Variants in ZBTB20 observed in about 807,000 individuals in gnomAD.
ZBTB20 encodes zinc finger and BTB domain-containing protein 20.
In ZBTB20, 9 loss-of-function variants were observed where a neutral mutation model predicts 56.9. The observed-to-expected ratio is 0.16, with a 90% confidence interval of 0.10 to 0.28. ZBTB20 has a LOEUF of 0.28. Among genes scored for constraint, ZBTB20 ranks in the 10% least tolerant of loss-of-function variants. ZBTB20 has a pLI of 1.00. For synonymous variants in ZBTB20, 417 were observed against 420.7 expected (o/e 0.99, Z 0.11); for missense variants, 655 against 1,003.0 (o/e 0.65, Z 4.69).
intron 2 of ZBTB20, among the ~76,000 whole-genome samples, chr3:114,977,001 C>T (rs1297950958): frequency 6.6e-6 from 1 of 151,510 alleles, no homozygotes; most frequent in Non-Finnish European, 1.5e-5. Context: ...AATATTTCAC[C>T]TTTCCTAAAT....
chr3:114,385,222 C>T (rs1302353876), intron 8 of ZBTB20, among the ~76,000 whole-genome samples: 1 of 152,040 alleles, frequency 6.6e-6, no homozygotes, highest in Non-Finnish European at 1.5e-5. Context: ...TTACTGGAGT[C>T]GTAACAATTT....
In ZBTB20 at chr3:114,752,259, TAC is replaced by T. The variant is rs2067623598; in HGVS notation, c.-343+48840_-343+48841del. On this transcript the variant is annotated intron_variant, in intron 5 of 11. Coordinates refer to ENST00000675478, the MANE Select transcript of ZBTB20 (RefSeq NM_001348800.3). The stretch of plus-strand genomic sequence containing the variant: ...AAGGAATCTGACTCTCGTATCTATC[TAC>T]TCTAGGTGGGGGATATAGCAGGTGC... 4.1e-5 allele frequency among the ~76,000 whole-genome samples: 6 copies of T among 145,978 alleles called. 1 individual carries two copies. The highest frequency in any genetic ancestry group is 1.5e-4 in the African/African-American group (6 of 39,936).
chr3:114,395,963 G>A (rs1398968432), intron 7 of ZBTB20, among the ~76,000 whole-genome samples: 1 of 151,822 alleles, frequency 6.6e-6, no homozygotes, highest in African/African-American at 2.4e-5. Flanking sequence ...GTTGATTCTT[G>A]TTTAAAATAA....
rs144922711 is a variant in ZBTB20, at chr3:114,573,007, T to G, written c.-294-72616A>C. On this transcript the variant is annotated intron_variant, in intron 6 of 11. Coordinates refer to ENST00000675478, the MANE Select transcript of ZBTB20 (RefSeq NM_001348800.3). The stretch of plus-strand genomic sequence containing the variant: ...AATTACTCAGAATGCTATTATTAGA[T>G]TTGCATATTTTCATAAGAGAAATTT... Among the ~76,000 whole-genome samples, 1,187 of 152,312 alleles carry G rather than the reference T, an allele frequency of 7.8e-3. 16 individuals are homozygous for G. Among genetic ancestry groups the G allele is most frequent in the African/African-American group, 0.027 (1,133 of 41,554 alleles).
chr3:114,556,564 AT>A (rs2051248200), intron 6 of ZBTB20, among the ~76,000 whole-genome samples: 1 of 152,050 alleles, frequency 6.6e-6, no homozygotes, highest in Non-Finnish European at 1.5e-5. Flanking sequence ...AAAATGAAAT[AT>A]TTTACTCACA....
chr3:114,640,712 C>A (rs1299667528), intron 6 of ZBTB20, among the ~76,000 whole-genome samples: 1 of 152,012 alleles, frequency 6.6e-6, no homozygotes, highest in African/African-American at 2.4e-5. Flanking sequence ...CAGTGATAAT[C>A]ATTCTATTTA....
chr3:114,802,854 A>ATACATTCT (rs2071819953), intron 4 of ZBTB20, among the ~76,000 whole-genome samples: 1 of 151,960 alleles, frequency 6.6e-6, no homozygotes, highest in Admixed American at 6.6e-5. Flanking sequence ...TTTAGACGTG[A>ATACATTCT]AAAGGTGATA....
At chr3:114,646,548 CA>C (rs927431301) in intron 6 of ZBTB20, among the ~76,000 whole-genome samples, 1 of 151,430 alleles carries the variant, frequency 6.6e-6, no homozygotes, top group Non-Finnish European at 1.5e-5. Context: ...TAAAATAAGC[CA>C]AAAAAAATCT....
At chr3:114,882,977 A>C (rs1222946458) in intron 4 of ZBTB20, among the ~76,000 whole-genome samples, 1 of 152,186 alleles carries the variant, frequency 6.6e-6, no homozygotes, top group Non-Finnish European at 1.5e-5. Context: ...TAAATTTCTC[A>C]TTCTAGACTT....
chr3:114,672,786 T>G (rs772561950), intron 6 of ZBTB20, among the ~76,000 whole-genome samples: 2 of 152,190 alleles, frequency 1.3e-5, no homozygotes, highest in Non-Finnish European at 2.9e-5. Flanking sequence ...TGTGACATGT[T>G]ACCTGCTTGA....
At chr3:115,107,766 G>A (rs776189730) in intron 1 of ZBTB20, among the ~76,000 whole-genome samples, 36 of 152,168 alleles carry the variant, frequency 2.4e-4, no homozygotes, top group Non-Finnish European at 4.4e-4. Context: ...AATAGACTGG[G>A]TAAAGAAAAT....
intron 1 of ZBTB20, among the ~76,000 whole-genome samples, chr3:115,146,844 G>A: frequency 6.6e-6 from 1 of 151,766 alleles, no homozygotes; most frequent in East Asian, 1.9e-4. Context: ...GGAGTAGAGA[G>A]AAGAAGGCAG....
At position 114,400,408 on chromosome 3, in the gene ZBTB20, A is replaced by G. The variant is rs930541788; in HGVS notation, c.-254-11303T>C. The stretch of plus-strand genomic sequence containing the variant: ...TTGTATAGTGTGGAGTACTGAATCA[A>G]TGTTGTCTGGAAGATTTAGGAAAGG... On this transcript the variant is annotated intron_variant, in intron 7 of 11. Transcript: ENST00000675478. 5.9e-5 allele frequency among the ~76,000 whole-genome samples: 9 copies of G among 152,158 alleles called. 1 individual carries two copies. Among genetic ancestry groups the G allele is most frequent in the South Asian group, 4.1e-4 (2 of 4,828 alleles).
intron 1 of ZBTB20, among the ~76,000 whole-genome samples, chr3:115,146,983 G>A (rs1474961684): frequency 1.3e-5 from 2 of 150,202 alleles, no homozygotes; most frequent in South Asian, 2.1e-4. Flanking sequence ...GCCGGGGGAG[G>A]GGGCGCGGGC....
At chr3:114,611,200 A>C (rs1170806921) in intron 6 of ZBTB20, among the ~76,000 whole-genome samples, 7 of 152,162 alleles carry the variant, frequency 4.6e-5, no homozygotes, top group Non-Finnish European at 8.8e-5. Flanking sequence ...GAACTGAAGA[A>C]GGAAGGGAGA....
intron 1 of ZBTB20, among the ~76,000 whole-genome samples, chr3:115,129,757 C>G (rs1303869974): frequency 6.6e-6 from 1 of 152,186 alleles, no homozygotes; most frequent in Non-Finnish European, 1.5e-5. Flanking sequence ...TGTCTCTATA[C>G]TAGAATAAGA....
chr3:114,427,129 T>G (rs535928808), intron 7 of ZBTB20, among the ~76,000 whole-genome samples: 33 of 152,348 alleles, frequency 2.2e-4, no homozygotes, highest in African/African-American at 7.9e-4. Context: ...CAGAAGACTA[T>G]GAACATAAAT....
rs150520459 is a variant in ZBTB20, at chr3:114,603,108, T to C, written c.-295+90420A>G. 1.1e-3 allele frequency among the ~76,000 whole-genome samples: 172 copies of C among 152,184 alleles called. 1 individual carries two copies. Among genetic ancestry groups the C allele is most frequent in the African/African-American group, 4.0e-3 (166 of 41,572 alleles). On this transcript the variant is annotated intron_variant, in intron 6 of 11. Transcript: ENST00000675478. ...ACCAATAAATAATGTTATTAACTTA[T>C]GCTCTTTCTGCTAGCACATGGCCTT...
intron 3 of ZBTB20, among the ~76,000 whole-genome samples, chr3:114,925,762 G>C (rs946471810): frequency 5.3e-5 from 8 of 151,978 alleles, no homozygotes. Context: ...TCCCGACCTC[G>C]TGATCTGCCC....
Sources: allele counts gnomAD v4.1 joint callset (sites outside exome capture counted in the v4.1 genomes callset), GRCh38; gene constraint gnomAD v4.1.1; transcripts MANE v1.5; gene names NCBI Gene and HGNC (gene_info 2026-07-23, HGNC 2026-07-21).